The following EDIL3 variants were observed in gnomAD, a reference collection of about 807,000 sequenced individuals.
EDIL3 encodes EGF like and discoidin domains 3, also known as EGF-like repeat and discoidin I-like domain-containing protein 3.
EDIL3 carries 37 observed loss-of-function variants against 67.4 expected under a neutral mutation model. The observed-to-expected ratio is 0.55, with a 90% confidence interval of 0.42 to 0.72. The LOEUF is 0.72. EDIL3 is among the 30% of genes least tolerant of loss of function. The probability of loss-of-function intolerance (pLI) is 0.00; values close to 1 mark genes in which losing one functional copy is unlikely to be tolerated. For missense variants in EDIL3, 527 were observed against 586.3 expected, an observed-to-expected ratio of 0.90 and a Z score of 1.04; for synonymous variants, 195 against 196.3, an observed-to-expected ratio of 0.99 and a Z score of 0.05.
intron 1 of EDIL3, among the ~76,000 whole-genome samples, chr5:84,334,936 T>C (rs749952972): frequency 6.6e-6 from 1 of 152,224 alleles, no homozygotes; most frequent in Non-Finnish European, 1.5e-5. Context: ...TATTCCATTT[T>C]GTTAGTAATT....
intron 3 of EDIL3, among the ~76,000 whole-genome samples, chr5:84,185,200 C>A (rs772289309): frequency 3.3e-5 from 5 of 152,140 alleles, no homozygotes; most frequent in Non-Finnish European, 7.4e-5. Context: ...AGCCACATTT[C>A]CTACCATGTT....
chr5:84,017,405 TCTGTGACTTCACTAGGATCACAATA>T (rs1745625946), intron 9 of EDIL3, among the ~76,000 whole-genome samples: 1 of 152,192 alleles, frequency 6.6e-6, no homozygotes, highest in Non-Finnish European at 1.5e-5. Context: ...TAACCAACAC[TCTGTGACTTCACTAGGATCACAATA>T]ACCTGAACTT....
At position 84,207,432 on chromosome 5, in the gene EDIL3, G is replaced by C. The variant is rs533905308; in HGVS notation, c.226+22423C>G. On this transcript the variant is annotated intron_variant, in intron 3 of 10. Coordinates refer to ENST00000296591, the MANE Select transcript of EDIL3 (RefSeq NM_005711.5). ...AAATGGAAGAAAATTCCATGCTCATGGGTAGGAAGAATCAATATCGTGAAA... is the reference window on the plus strand; with the variant it reads ...AAATGGAAGAAAATTCCATGCTCATCGGTAGGAAGAATCAATATCGTGAAA... Among the ~76,000 whole-genome samples the C allele has an allele frequency of 3.9e-5, 6 of 152,310 alleles. No individual in the cohort carries two copies. In the South Asian group the frequency reaches 1.2e-3, roughly 32 times the overall value.
chr5:84,066,669 C>G, intron 6 of EDIL3, 63 bp from the exon 7 acceptor site: 1 of 1,538,756 alleles, frequency 6.5e-7, no homozygotes, highest in Non-Finnish European at 8.7e-7. Flanking sequence ...ACTGAAAATA[C>G]GAATTTTAGA....
intron 10 of EDIL3, among the ~76,000 whole-genome samples, chr5:83,950,504 G>A (rs1744398158): frequency 6.6e-6 from 1 of 151,784 alleles, no homozygotes; most frequent in Admixed American, 6.6e-5. Flanking sequence ...CAGACATTCA[G>A]GCTTTAAAGT....
At position 83,941,394 on chromosome 5, in the gene EDIL3, T is replaced by G. The variant is rs958125239; in HGVS notation, c.*2025A>C. ...ATAGAAAAAATTACAAAACATCATA[T>G]GAAGCTATAAATAATTTTGAAAAAC... On this transcript the variant is annotated 3_prime_UTR_variant, in exon 11 of 11. Coordinates refer to ENST00000296591, the MANE Select transcript of EDIL3 (RefSeq NM_005711.5). 1 of 152,030 alleles carries G rather than the reference T, an allele frequency of 6.6e-6. No homozygotes were observed. The highest frequency in any genetic ancestry group is 1.5e-5 in the Non-Finnish European group (1 of 67,910). 9.4% of individuals were successfully genotyped at this position (152,030 alleles called of 1,614,324 possible).
chr5:84,331,975 G>T (rs561958995), intron 1 of EDIL3, among the ~76,000 whole-genome samples: 3 of 152,102 alleles, frequency 2.0e-5, no homozygotes, highest in Non-Finnish European at 4.4e-5. Flanking sequence ...CATTCATCCC[G>T]TTAGAAAACA....
At chr5:84,137,573 C>T (rs1463466270) in intron 4 of EDIL3, among the ~76,000 whole-genome samples, 6 of 152,016 alleles carry the variant, frequency 3.9e-5, no homozygotes, top group Non-Finnish European at 5.9e-5. Flanking sequence ...AGAATACAGA[C>T]GAAAGGCCAA....
intron 6 of EDIL3, among the ~76,000 whole-genome samples, chr5:84,068,644 T>G (rs1289933311): frequency 6.6e-6 from 1 of 152,172 alleles, no homozygotes; most frequent in Non-Finnish European, 1.5e-5. Flanking sequence ...GTCTAACTTT[T>G]AGTAGATATT....
chr5:83,959,655 T>C (rs1744573530), intron 10 of EDIL3, among the ~76,000 whole-genome samples: 1 of 150,602 alleles, frequency 6.6e-6, no homozygotes, highest in African/African-American at 2.4e-5. Flanking sequence ...TTATGGAGAG[T>C]AATCATGGAA....
chr5:83,958,710 T>C lies in EDIL3; in HGVS notation c.1293+4495A>G, dbSNP rs142602813. ...ATATAAGTACTCTTCCTGAAATTTA[T>C]TATTGCTTTACTTTGGCTTATAACC... On this transcript the variant is annotated intron_variant, in intron 10 of 10. Transcript: ENST00000296591. 3.3e-5 allele frequency among the ~76,000 whole-genome samples: 5 copies of C among 151,614 alleles called. No individual in the cohort carries two copies. In the East Asian group the frequency reaches 9.7e-4, roughly 29 times the overall value.
At chr5:84,133,168 A>T (rs987431792) in intron 5 of EDIL3, among the ~76,000 whole-genome samples, 7 of 152,194 alleles carry the variant, frequency 4.6e-5, no homozygotes, top group Non-Finnish European at 8.8e-5. Context: ...AAGTGTTATT[A>T]ATTTTCATTG....
chr5:84,116,155 T>C (rs1747658639), intron 5 of EDIL3, among the ~76,000 whole-genome samples: 1 of 146,428 alleles, frequency 6.8e-6, no homozygotes. Flanking sequence ...TGGATGTTAA[T>C]TTAGGTCTAG....
At chr5:83,979,632 T>C (rs1212129956) in intron 9 of EDIL3, among the ~76,000 whole-genome samples, 1 of 152,124 alleles carries the variant, frequency 6.6e-6, no homozygotes, top group Non-Finnish European at 1.5e-5. Context: ...ATAAATGAGA[T>C]AATACATTGC....
intron 9 of EDIL3, among the ~76,000 whole-genome samples, chr5:84,042,284 G>GA (rs1442963505): frequency 6.7e-6 from 1 of 148,500 alleles, no homozygotes; most frequent in African/African-American, 2.6e-5. Context: ...AGTGCAAATG[G>GA]AAATTTTTTT....
chr5:84,339,820 A>T (rs1334369207), intron 1 of EDIL3, among the ~76,000 whole-genome samples: 1 of 152,080 alleles, frequency 6.6e-6, no homozygotes, highest in African/African-American at 2.4e-5. Context: ...AAAGAAAAGA[A>T]ATGAGGGGCA....
At chr5:84,194,133 C>T (rs908188938) in intron 3 of EDIL3, among the ~76,000 whole-genome samples, 89 of 151,938 alleles carry the variant, frequency 5.9e-4, no homozygotes, top group African/African-American at 1.7e-3. Context: ...GAATGAAATA[C>T]GTGATATTTG....
intron 5 of EDIL3, among the ~76,000 whole-genome samples, chr5:84,119,310 G>C (rs1747731622): frequency 7.2e-6 from 1 of 138,358 alleles, no homozygotes; most frequent in South Asian, 2.3e-4. Flanking sequence ...TAAAAAACGT[G>C]AATACATACA....
At position 84,060,357 on chromosome 5, in the gene EDIL3, C is replaced by T; in HGVS notation, c.1080G>A (p.Lys360=). The T allele has an allele frequency of 1.9e-6, 3 of 1,613,856 alleles. No homozygotes were observed. In the East Asian group the frequency reaches 6.7e-5, roughly 36 times the overall value. The change falls in exon 9 of 11, where the codon AAG becomes AAA. Residue 360 remains lysine, a synonymous_variant. Coordinates refer to ENST00000296591, the MANE Select transcript of EDIL3 (RefSeq NM_005711.5). ...AGGTCCAGGCATTCACTTTGCCTTG[C>T]TTGTCCAGCCGAGCTTTCCTTGGTT... is the stretch of plus-strand genomic sequence containing the variant. ...TWEPRKARLD[K]QGKVNAWTSG...
Sources: gnomAD v4.1 joint callset for allele counts (sites outside exome capture counted in the v4.1 genomes callset) on GRCh38, gnomAD v4.1.1 for gene constraint, MANE v1.5 for transcripts, NCBI Gene and HGNC (gene_info 2026-07-23, HGNC 2026-07-21) for gene names.